FXN: variants seen among roughly 807,000 people sequenced by gnomAD.
FXN encodes frataxin, mitochondrial.
Under a neutral mutation model 22.4 loss-of-function variants are expected in FXN, and 14 were observed. That is an observed-to-expected ratio of 0.62 (90% CI 0.41 to 0.98). The LOEUF is 0.98. FXN is among the 50% of genes least tolerant of loss of function. The probability of loss-of-function intolerance (pLI) is 0.00; values close to 1 mark genes in which losing one functional copy is unlikely to be tolerated. For synonymous variants in FXN, 120 were observed against 114.1 expected (o/e 1.05, Z -0.33); for missense variants, 267 against 268.4 (o/e 0.99, Z 0.04).
intron 4 of FXN, among the ~76,000 whole-genome samples, chr9:69,072,397 C>T (rs1256838600): frequency 2.6e-5 from 4 of 152,144 alleles, no homozygotes; most frequent in African/African-American, 7.2e-5. Context: ...AATGTTTTTT[C>T]AGGTTTTGAG....
intron 3 of FXN, among the ~76,000 whole-genome samples, chr9:69,060,095 G>A (rs912631467): frequency 2.0e-5 from 3 of 152,116 alleles, no homozygotes; most frequent in South Asian, 2.1e-4. Context: ...CCAGCCGGGC[G>A]TGGTGGCTCA....
Position 69,076,368 on chromosome 9 carries a change from CT to C in FXN, c.*3608del, listed in dbSNP as rs1832370057. On this transcript the variant is annotated 3_prime_UTR_variant, in exon 5 of 5. Transcript: ENST00000484259. ...ATAATTTCATATTCACATTGGAGGACTTCTCCCAAAATATGGATGACGTTCC... is the reference window on the plus strand; with the variant it reads ...ATAATTTCATATTCACATTGGAGGACTCTCCCAAAATATGGATGACGTTCC... 1.1e-5 allele frequency: 11 copies of C among 985,354 alleles called. No individual in the cohort carries two copies. Among genetic ancestry groups the C allele is most frequent in the Non-Finnish European group, 1.3e-5 (11 of 829,898 alleles). 61.0% of individuals were successfully genotyped at this position (985,354 alleles called of 1,614,324 possible).
rs1436837406 is a variant in FXN at position 69,074,768 on chromosome 9, A to G, written c.*2006A>G. The stretch of plus-strand genomic sequence containing the variant: ...GAAAAAAAAACCTATTAATAATAAA[A>G]CAGTATAAACAAAAGCTAAATAGGT... On this transcript the variant is annotated 3_prime_UTR_variant, in exon 5 of 5. Transcript: ENST00000484259. 5 of 897,216 alleles carry G rather than the reference A, an allele frequency of 5.6e-6. No individual in the cohort carries two copies. The highest frequency in any genetic ancestry group is 6.7e-6 in the Non-Finnish European group (5 of 749,826). The allele number at this position is 897,216 out of a possible 1,614,324, so 55.6% of individuals were successfully genotyped here. A position where few individuals can be genotyped will look rare whatever the true frequency, so the allele number is the denominator to read the frequency against.
At chr9:69,067,001 C>G (rs1227037620) in intron 4 of FXN, among the ~76,000 whole-genome samples, 1 of 152,236 alleles carries the variant, frequency 6.6e-6, no homozygotes, top group African/African-American at 2.4e-5. Flanking sequence ...CTTCCTGCGC[C>G]GTTTCCGGCA....
intron 3 of FXN, among the ~76,000 whole-genome samples, chr9:69,063,782 C>A (rs866243357): frequency 7.2e-5 from 11 of 152,256 alleles, no homozygotes; most frequent in Middle Eastern, 3.4e-3. Flanking sequence ...CTCCTGGGCT[C>A]AGGTGATCCT....
rs1210239132 is a variant in FXN, at chr9:69,073,653, C to T, written c.*891C>T. On this transcript the variant is annotated 3_prime_UTR_variant, in exon 5 of 5. Coordinates refer to ENST00000484259, the MANE Select transcript of FXN (RefSeq NM_000144.5). ...CATAGTTCAGCCACAAAGTAGTTGT[C>T]CCTTTGTGGACAAGTTTCCCAAATT... 4 of 985,198 alleles carry T rather than the reference C, an allele frequency of 4.1e-6. No homozygotes were observed. In the African/African-American group the frequency reaches 7.0e-5, roughly 17 times the overall value. 61.0% of individuals were successfully genotyped at this position (985,198 alleles called of 1,614,324 possible).
intron 3 of FXN, among the ~76,000 whole-genome samples, chr9:69,059,473 C>T (rs1216168530): frequency 1.4e-5 from 2 of 140,358 alleles, no homozygotes; most frequent in African/African-American, 5.3e-5. Flanking sequence ...GATCTCAGCT[C>T]ACTGCAACCA....
chr9:69,073,691 G>T lies in FXN; in HGVS notation c.*929G>T, dbSNP rs577880779. On this transcript the variant is annotated 3_prime_UTR_variant, in exon 5 of 5. Coordinates refer to ENST00000484259, the MANE Select transcript of FXN (RefSeq NM_000144.5). ...AGTTTCCCAAATTCCCTGGACCTCTGCTTCCCCATCTGTTAAATGAGAGAA... is the reference window on the plus strand; with the variant it reads ...AGTTTCCCAAATTCCCTGGACCTCTTCTTCCCCATCTGTTAAATGAGAGAA... The T allele has an allele frequency of 1.9e-5, 19 of 985,366 alleles. No homozygotes were observed. Among genetic ancestry groups the T allele is most frequent in the South Asian group, 4.7e-5 (1 of 21,286 alleles). 61.0% of individuals were successfully genotyped at this position (985,366 alleles called of 1,614,324 possible).
At chr9:69,057,533 A>C (rs1471043503) in intron 3 of FXN, among the ~76,000 whole-genome samples, 1 of 152,186 alleles carries the variant, frequency 6.6e-6, no homozygotes, top group Non-Finnish European at 1.5e-5. Context: ...GCAAATGCTT[A>C]AGTGTAGATT....
At chr9:69,061,969 ACT>A (rs1299911087) in intron 3 of FXN, among the ~76,000 whole-genome samples, 1 of 151,820 alleles carries the variant, frequency 6.6e-6, no homozygotes, top group Admixed American at 6.6e-5. Flanking sequence ...AATTTATAAA[ACT>A]CTGTATGAGA....
rs1030369207 is a variant in FXN, at chr9:69,074,769, C to T, written c.*2007C>T. 6 of 891,040 alleles carry T rather than the reference C, an allele frequency of 6.7e-6. No homozygotes were observed. The highest frequency in any genetic ancestry group is 6.2e-5 in the Admixed American group (1 of 16,126). The allele number at this position is 891,040 out of a possible 1,614,324, so 55.2% of individuals were successfully genotyped here. On this transcript the variant is annotated 3_prime_UTR_variant, in exon 5 of 5. Transcript: ENST00000484259. ...AAAAAAAAACCTATTAATAATAAAA[C>T]AGTATAAACAAAAGCTAAATAGGTA...
Position 69,075,566 on chromosome 9 carries a change from T to G in FXN, c.*2804T>G, listed in dbSNP as rs7849347. On this transcript the variant is annotated 3_prime_UTR_variant, in exon 5 of 5. Transcript: ENST00000484259. The stretch of plus-strand genomic sequence containing the variant: ...CAAACTGGAAAAGTACCACTGTGTG[T>G]ACCAATAGCCTCCCCACCACAGACC... The G allele has an allele frequency of 0.57, 562,713 of 982,758 alleles. 162,638 individuals are homozygous for G. The highest frequency in any genetic ancestry group is 0.73 in the African/African-American group (41,428 of 57,078). 60.9% of individuals were successfully genotyped at this position (982,758 alleles called of 1,614,324 possible).
Position 69,072,831 on chromosome 9 carries a change from G to A in FXN, c.*69G>A. 1 of 1,599,356 alleles carries A rather than the reference G, an allele frequency of 6.3e-7. No individual in the cohort carries two copies. The highest frequency in any genetic ancestry group is 8.5e-7 in the Non-Finnish European group (1 of 1,175,542). The stretch of plus-strand genomic sequence containing the variant: ...ACCCCAGCTTCATTATGCAGCTGAG[G>A]TCTGTTTTTTGTTGTTGTTGTTGTT... On this transcript the variant is annotated 3_prime_UTR_variant, in exon 5 of 5. Transcript: ENST00000484259.
At chr9:69,043,294 C>A (rs1831690299) in intron 1 of FXN, among the ~76,000 whole-genome samples, 1 of 152,136 alleles carries the variant, frequency 6.6e-6, no homozygotes, top group African/African-American at 2.4e-5. Context: ...TTAAAATTGT[C>A]TCCAAGTGTA....
intron 2 of FXN, among the ~76,000 whole-genome samples, chr9:69,047,448 G>A (rs895894627): frequency 3.3e-5 from 5 of 152,086 alleles, no homozygotes; most frequent in African/African-American, 1.2e-4. Flanking sequence ...CTAGCTGCCC[G>A]CAGCACTGGA....
chr9:69,057,043 T>G (rs1160214790), intron 3 of FXN, among the ~76,000 whole-genome samples: 1 of 152,180 alleles, frequency 6.6e-6, no homozygotes, highest in African/African-American at 2.4e-5. Context: ...GTGCTGGGAT[T>G]ACAGGCATGA....
chr9:69,043,203 A>G (rs1175606413), intron 1 of FXN, among the ~76,000 whole-genome samples: 1 of 152,124 alleles, frequency 6.6e-6, no homozygotes, highest in Non-Finnish European at 1.5e-5. Context: ...CAGCTGTCAT[A>G]GTGTAAACTG....
chr9:69,037,307 TAAAG>T (rs1205049897), intron 1 of FXN, among the ~76,000 whole-genome samples: 1 of 63,158 alleles, frequency 1.6e-5, no homozygotes, highest in African/African-American at 5.8e-5. Context: ...AAGAAGAAAA[TAAAG>T]AAAAGTTAGC....
chr9:69,046,466 A>C lies in FXN; in HGVS notation c.247A>C (p.Thr83Pro). The C allele has an allele frequency of 1.2e-6, 2 of 1,613,618 alleles. No homozygotes were observed. The highest frequency in any genetic ancestry group is 1.7e-6 in the Non-Finnish European group (2 of 1,179,600). The part of the protein sequence containing the change: ...VYLMNLRKSG[T>P]LGHPGSLDET... Reference sequence around the variant, plus strand: ...TTTGATGAATTTGAGGAAATCTGGAACTTTGGGCCACCCAGGGTAAGATAA... The same window carrying C: ...TTTGATGAATTTGAGGAAATCTGGACCTTTGGGCCACCCAGGGTAAGATAA... Residue 83 changes from threonine to proline, a missense_variant, in exon 2 of 5, where the codon ACT (threonine) becomes CCT (proline). Transcript: ENST00000484259.
Sources: allele counts gnomAD v4.1 joint callset (sites outside exome capture counted in the v4.1 genomes callset), GRCh38; gene constraint gnomAD v4.1.1; transcripts MANE v1.5; gene names NCBI Gene and HGNC (gene_info 2026-07-23, HGNC 2026-07-21).